The following CSNK1D variants were observed in gnomAD, a reference collection of about 807,000 sequenced individuals.
CSNK1D encodes the protein casein kinase I isoform delta.
In CSNK1D, 16 loss-of-function variants were observed where a neutral mutation model predicts 46.6. That is an observed-to-expected ratio of 0.34 (90% CI 0.23 to 0.52). CSNK1D has a LOEUF of 0.52. Among genes scored for constraint, CSNK1D ranks in the 20% least tolerant of loss-of-function variants. The pLI is 0.95. For synonymous variants in CSNK1D, 276 were observed against 228.2 expected, an observed-to-expected ratio of 1.21 and a Z score of -1.89; for missense variants, 398 against 578.4, an observed-to-expected ratio of 0.69 and a Z score of 3.20.
In CSNK1D at chr17:82,267,314, T is replaced by A. The variant is rs111782571; in HGVS notation, c.77-1518A>T. Among the ~76,000 whole-genome samples the A allele has an allele frequency of 4.9e-3, 742 of 152,296 alleles. 3 individuals carry two copies. Among genetic ancestry groups the A allele is most frequent in the South Asian group, 0.028 (136 of 4,824 alleles). ...TGAATGGGTTAACAGTTTCTTTTAC[T>A]GCTCTTTAAGATAAGGTTCCCTGAT... On this transcript the variant is annotated intron_variant, in intron 1 of 8. Coordinates refer to ENST00000314028, the MANE Select transcript of CSNK1D (RefSeq NM_001893.6).
chr17:82,262,675 A>G (rs1325028771), intron 2 of CSNK1D, among the ~76,000 whole-genome samples: 4 of 152,134 alleles, frequency 2.6e-5, no homozygotes, highest in African/African-American at 2.4e-5. Flanking sequence ...TAACAGGACA[A>G]TCTGCACAAG....
Position 82,248,888 on chromosome 17 carries a change from A to C in CSNK1D, c.1184T>G (p.Met395Arg). The change falls in exon 8 of 9, where the codon ATG becomes AGG. Residue 395 changes from methionine (M) to arginine (R), a missense_variant. By Grantham distance (91) the Met-to-Arg change is moderately conservative. This residue lies in a region of CSNK1D where 181 missense variants were observed against 208.0 expected (regional missense o/e 0.87). Transcript: ENST00000314028. This position sits in a 1 kb window ranked among gnomAD's most constrained non-coding sequence, Gnocchi z 4.1. The part of the protein sequence containing the change: ...DLTGRQDTSR[M>R]STSQIPGRVA... ...CTCTGCACCTACCTGTGAGGTGGAC[A>C]TGCGAGAGGTATCTTGTCGGCCTGT... The C allele has an allele frequency of 6.2e-7, 1 of 1,610,782 alleles. No homozygotes were observed. Among genetic ancestry groups the C allele is most frequent in the Non-Finnish European group, 8.5e-7 (1 of 1,178,378 alleles).
Position 82,251,536 on chromosome 17 carries a change from CAAG to C in CSNK1D, c.737-12_737-10del. On this transcript the variant is annotated splice_polypyrimidine_tract_variant and intron_variant, in intron 5 of 8. Coordinates refer to ENST00000314028, the MANE Select transcript of CSNK1D (RefSeq NM_001893.6). This position sits in a 1 kb window ranked among gnomAD's most constrained non-coding sequence, Gnocchi z 4.5. ...GTATGTGGCAAATTCGGCTACAAAA[CAAG>C]AAACTCAAAGCTAACTCATGAAACC... The C allele has an allele frequency of 6.2e-7, 1 of 1,613,790 alleles. No homozygotes were observed. The highest frequency in any genetic ancestry group is 8.5e-7 in the Non-Finnish European group (1 of 1,179,924).
chr17:82,241,942 C>A (rs1599567760), downstream of CSNK1D, among the ~76,000 whole-genome samples: 2 of 152,144 alleles, frequency 1.3e-5, no homozygotes, highest in Non-Finnish European at 2.9e-5. Context: ...AACCTCCAGG[C>A]AAGTGACCCG....
In CSNK1D at chr17:82,252,683, G is replaced by C; in HGVS notation, c.566-79C>G. ...GCAAAAGACCCGGCTGGCCGTTCCA[G>C]TGGAGACTAGCCTCAGACACACATG... On this transcript the variant is annotated intron_variant, in intron 4 of 8. Transcript: ENST00000314028. The surrounding 1 kb of genome is among the most constrained non-coding windows in gnomAD (Gnocchi z 4.6). 7.0e-7 allele frequency: 1 copy of C among 1,427,098 alleles called. No homozygotes were observed. The highest frequency in any genetic ancestry group is 9.6e-7 in the Non-Finnish European group (1 of 1,040,658). The allele number at this position is 1,427,098 out of a possible 1,614,324, so 88.4% of individuals were successfully genotyped here.
chr17:82,249,230 C>G lies in CSNK1D; in HGVS notation c.1057+201G>C, dbSNP rs557615079. ...GCTCACAGGGGAGGAACGTGAGATG[C>G]GGGAGGAATCACGCACACCAGCAGG... On this transcript the variant is annotated intron_variant, in intron 7 of 8. Transcript: ENST00000314028. This position sits in a 1 kb window ranked among gnomAD's most constrained non-coding sequence, Gnocchi z 6.7. The G allele has an allele frequency of 1.3e-6, 1 of 759,530 alleles. No individual in the cohort carries two copies. The highest frequency in any genetic ancestry group is 1.8e-5 in the African/African-American group (1 of 57,044). 47.0% of individuals were successfully genotyped at this position (759,530 alleles called of 1,614,324 possible).
At position 82,245,985 on chromosome 17, in the gene CSNK1D, C is replaced by T. The variant is rs1348987379; in HGVS notation, c.1198-1154G>A. The T allele has an allele frequency of 1.2e-6, 2 of 1,605,948 alleles. 1 individual carries two copies. The highest frequency in any genetic ancestry group is 2.2e-5 in the South Asian group (2 of 89,362). On this transcript the variant is annotated intron_variant, in intron 8 of 8. Transcript: ENST00000314028. ...CCACGCGCACACTCACCCAGTGCTGCCTTCCGATGGGAGACGAGCAGCTAC... is the reference window on the plus strand; with the variant it reads ...CCACGCGCACACTCACCCAGTGCTGTCTTCCGATGGGAGACGAGCAGCTAC...
intron 2 of CSNK1D, among the ~76,000 whole-genome samples, chr17:82,264,858 C>T (rs1005401543): frequency 1.8e-4 from 27 of 147,332 alleles, no homozygotes; most frequent in African/African-American, 5.9e-4. Flanking sequence ...ACTGCAGTGG[C>T]GCTATCTGGG....
intron 1 of CSNK1D, chr17:82,266,968 G>A (rs567896266): frequency 6.6e-6 from 1 of 150,652 alleles, no homozygotes; most frequent in African/African-American, 2.4e-5. Flanking sequence ...CCTGAGGCAG[G>A]AGAATGGCGT....
At chr17:82,272,629 A>AG (rs2051658333) in intron 1 of CSNK1D, among the ~76,000 whole-genome samples, 2 of 152,190 alleles carry the variant, frequency 1.3e-5, no homozygotes, top group East Asian at 1.9e-4. Context: ...TCCAAGGCCA[A>AG]GGGGAACCGT....
intron 3 of CSNK1D, chr17:82,253,995 C>T (rs1421344715): frequency 9.3e-6 from 2 of 215,416 alleles, no homozygotes; most frequent in Non-Finnish European, 1.7e-5. Context: ...TGAGCTGAGC[C>T]GCCGGAGCCT....
rs564336307 is a variant in CSNK1D, at chr17:82,260,611, G to A, written c.188-5034C>T. 1.5e-4 allele frequency among the ~76,000 whole-genome samples: 22 copies of A among 144,884 alleles called. No homozygotes were observed. The South Asian group carries it at 3.2e-3, about 21-fold the overall frequency. On this transcript the variant is annotated intron_variant, in intron 2 of 8. Transcript: ENST00000314028. ...ACTGACTGATGGTGTACTGAGTGAC[G>A]TGACTGATGGTGTACTGAGTGACGT...
At chr17:82,246,548 T>G in intron 8 of CSNK1D, 1 of 1,047,190 alleles carries the variant, frequency 9.5e-7, no homozygotes, top group Non-Finnish European at 1.2e-6. Context: ...GGGCCCAGGC[T>G]ACTGTAGCCA....
rs890321019 is a variant in CSNK1D at position 82,248,088 on chromosome 17, G to C, written c.1197+787C>G. 2 of 985,314 alleles carry C rather than the reference G, an allele frequency of 2.0e-6. No individual in the cohort carries two copies. The highest frequency in any genetic ancestry group is 1.7e-5 in the African/African-American group (1 of 57,226). 61.0% of individuals were successfully genotyped at this position (985,314 alleles called of 1,614,324 possible). A position where few individuals can be genotyped will look rare whatever the true frequency, so the allele number is the denominator to read the frequency against. The stretch of plus-strand genomic sequence containing the variant: ...TTCTGAACTGAGTTCCTGCTCATCC[G>C]GAAGACCCGTGGGGGATCTGGGCAC... On this transcript the variant is annotated intron_variant, in intron 8 of 8. Transcript: ENST00000314028. The surrounding 1 kb of genome is among the most constrained non-coding windows in gnomAD (Gnocchi z 4.1).
chr17:82,254,134 C>T (rs897252624), intron 3 of CSNK1D: 10 of 207,810 alleles, frequency 4.8e-5, no homozygotes, highest in South Asian at 1.5e-4. Context: ...GTCGGAGCCT[C>T]GAGAAGCCAG....
intron 8 of CSNK1D, chr17:82,246,579 A>C: frequency 9.7e-7 from 1 of 1,027,366 alleles, no homozygotes; most frequent in Non-Finnish European, 1.2e-6. Flanking sequence ...GCCGAACACC[A>C]ACAGCCCGAA....
At position 82,248,652 on chromosome 17, in the gene CSNK1D, G is replaced by A. The variant is rs2050911924; in HGVS notation, c.1197+223C>T. 1 of 1,392,270 alleles carries A rather than the reference G, an allele frequency of 7.2e-7. No individual in the cohort carries two copies. The highest frequency in any genetic ancestry group is 2.7e-5 in the East Asian group (1 of 36,650). The allele number at this position is 1,392,270 out of a possible 1,614,324, so 86.2% of individuals were successfully genotyped here. ...CTCAGGGACCTGAGACCTGAGACTG[G>A]CCACCTGCAACCAGGAGACAAGCCC... On this transcript the variant is annotated intron_variant, in intron 8 of 8. Coordinates refer to ENST00000314028, the MANE Select transcript of CSNK1D (RefSeq NM_001893.6). The surrounding 1 kb of genome is among the most constrained non-coding windows in gnomAD (Gnocchi z 4.1).
downstream of CSNK1D, among the ~76,000 whole-genome samples, chr17:82,241,074 G>A (rs1431179614): frequency 6.6e-6 from 1 of 151,926 alleles, no homozygotes; most frequent in Non-Finnish European, 1.5e-5. Context: ...GTGTTGTGAA[G>A]ATCCCCTGAC....
At chr17:82,260,939 C>T (rs2051324790) in intron 2 of CSNK1D, 1 of 155,222 alleles carries the variant, frequency 6.4e-6, no homozygotes, top group African/African-American at 2.4e-5. Flanking sequence ...GTGGCACCAT[C>T]ACAGCTCCCT....
Sources: gnomAD v4.1 joint callset for allele counts (sites outside exome capture counted in the v4.1 genomes callset) on GRCh38, gnomAD v4.1.1 for gene constraint, gnomAD v4.1.1 regional missense constraint, Gnocchi (gnomAD v3.1) non-coding constraint, MANE v1.5 for transcripts, NCBI Gene and HGNC (gene_info 2026-07-23, HGNC 2026-07-21) for gene names.